ANKRD42: variants seen among roughly 807,000 people sequenced by gnomAD.
The protein encoded by ANKRD42 is ankyrin repeat domain 42.
ANKRD42 carries 43 observed loss-of-function variants against 51.5 expected under a neutral mutation model. The ratio of observed to expected loss-of-function variants is 0.83; its 90% confidence interval spans 0.65 to 1.08. The LOEUF (loss-of-function observed/expected upper bound fraction) is 1.08. ANKRD42 is among the 50% of genes least tolerant of loss of function. The probability of loss-of-function intolerance (pLI) is 0.00; values close to 1 mark genes in which losing one functional copy is unlikely to be tolerated. For synonymous variants in ANKRD42, 203 were observed against 213.0 expected (o/e 0.95, Z 0.41); for missense variants, 608 against 629.3 (o/e 0.97, Z 0.36).
At chr11:83,220,763 G>T (rs1330618204) in intron 5 of ANKRD42, among the ~76,000 whole-genome samples, 1 of 152,054 alleles carries the variant, frequency 6.6e-6, no homozygotes, top group Non-Finnish European at 1.5e-5. Flanking sequence ...ACAAACTGGG[G>T]CACCTTTATA....
At chr11:83,231,325 CT>C in intron 7 of ANKRD42, among the ~76,000 whole-genome samples, 1 of 152,242 alleles carries the variant, frequency 6.6e-6, no homozygotes, top group South Asian at 2.1e-4. Flanking sequence ...TGTTGAGTGC[CT>C]TTTCATATAT....
intron 3 of ANKRD42, among the ~76,000 whole-genome samples, chr11:83,208,818 G>A (rs1014447722): frequency 1.3e-5 from 2 of 152,094 alleles, no homozygotes; most frequent in African/African-American, 4.8e-5. Flanking sequence ...AGTTGAAAAG[G>A]GGGCTGGAGA....
intron 9 of ANKRD42, among the ~76,000 whole-genome samples, chr11:83,242,948 A>T (rs1386769213): frequency 6.6e-6 from 1 of 152,094 alleles, no homozygotes; most frequent in Non-Finnish European, 1.5e-5. Context: ...GCTGCGATGA[A>T]CATGTGTGCA....
intron 9 of ANKRD42, among the ~76,000 whole-genome samples, chr11:83,242,387 G>A (rs980067420): frequency 2.6e-5 from 4 of 151,876 alleles, no homozygotes; most frequent in African/African-American, 9.7e-5. Flanking sequence ...GGAGAGAGTT[G>A]TTTATGGCTT....
Position 83,240,800 on chromosome 11 carries a change from A to G in ANKRD42, c.1061A>G (p.Gln354Arg). ...LAAVKLLEEL[Q>R]KYDIDDENEI... ...GCAGTGAAGCTGTTAGAGGAGCTAC[A>G]GAAATATGATATAGATGACGAAAAT... is the stretch of plus-strand genomic sequence containing the variant. The change falls in exon 9 of 11, where the codon CAG (glutamine) becomes CGG (arginine). Residue 354 changes from glutamine (Q) to arginine (R), a missense_variant. Coordinates refer to ENST00000533342, the MANE Select transcript of ANKRD42 (RefSeq NM_001300975.2). The G allele has an allele frequency of 6.2e-7, 1 of 1,614,142 alleles. No individual in the cohort carries two copies. Among genetic ancestry groups the G allele is most frequent in the Non-Finnish European group, 8.5e-7 (1 of 1,179,992 alleles).
intron 5 of ANKRD42, among the ~76,000 whole-genome samples, chr11:83,221,594 T>C (rs1862718422): frequency 6.6e-6 from 1 of 152,346 alleles, no homozygotes; most frequent in East Asian, 1.9e-4. Context: ...GGTCTCTGCC[T>C]CCTTTTTGGC....
chr11:83,255,526 C>T (rs892705058), intron 11 of ANKRD42, among the ~76,000 whole-genome samples: 1 of 152,110 alleles, frequency 6.6e-6, no homozygotes, highest in Non-Finnish European at 1.5e-5. Flanking sequence ...GTCTGGGGAT[C>T]TGTTAGGTAG....
At chr11:83,198,932 T>G (rs1021369612) in intron 2 of ANKRD42, among the ~76,000 whole-genome samples, 7 of 152,188 alleles carry the variant, frequency 4.6e-5, no homozygotes, top group African/African-American at 1.4e-4. Flanking sequence ...GCTGGAATAT[T>G]AAAAAGCTGG....
At chr11:83,230,977 G>C (rs184935043) in intron 7 of ANKRD42, among the ~76,000 whole-genome samples, 1 of 152,300 alleles carries the variant, frequency 6.6e-6, no homozygotes, top group East Asian at 1.9e-4. Context: ...CACTTAGATT[G>C]CTTCCACATC....
chr11:83,253,683 T>C (rs907434252), downstream of ANKRD42, among the ~76,000 whole-genome samples: 13 of 152,296 alleles, frequency 8.5e-5, no homozygotes, highest in African/African-American at 3.1e-4. Context: ...AAAACATGTA[T>C]TGGGGAGAAA....
chr11:83,244,337 G>A (rs565306636), intron 9 of ANKRD42, among the ~76,000 whole-genome samples: 4 of 152,266 alleles, frequency 2.6e-5, no homozygotes, highest in East Asian at 3.9e-4. Flanking sequence ...TGGGGCTCAA[G>A]CACATACATT....
At position 83,224,861 on chromosome 11, in the gene ANKRD42, T is replaced by A. The variant is rs1270664521; in HGVS notation, c.593T>A (p.Leu198Ter). Reference protein sequence around the residue: ...VDYNGNLPVHLAAMEGHLHCF... With the variant: ...VDYNGNLPVH ...TTTTTTTCCTTTCCTCTAGTTCACT[T>A]AGCAGCCATGGAAGGCCACCTTCAC... The change falls in exon 6 of 11, where the codon TTA (leucine) becomes TAA (stop). Residue 198 changes from leucine (L) to a stop codon, truncating the protein, a stop_gained. Coordinates refer to ENST00000533342, the MANE Select transcript of ANKRD42 (RefSeq NM_001300975.2). LOFTEE classifies it high-confidence loss of function. 1.3e-6 allele frequency: 2 copies of A among 1,595,358 alleles called. No individual in the cohort carries two copies. Among genetic ancestry groups the A allele is most frequent in the Non-Finnish European group, 8.5e-7 (1 of 1,169,730 alleles).
intron 7 of ANKRD42, among the ~76,000 whole-genome samples, chr11:83,235,642 A>G (rs1171870428): frequency 6.6e-6 from 1 of 152,254 alleles, no homozygotes; most frequent in African/African-American, 2.4e-5. Context: ...ATTGTTTAAT[A>G]GACCTAAACT....
chr11:83,208,018 G>GTTTTGT (rs1248330911), intron 3 of ANKRD42, among the ~76,000 whole-genome samples: 4 of 152,100 alleles, frequency 2.6e-5, no homozygotes, highest in Middle Eastern at 6.8e-3. Flanking sequence ...GAAAAGAGAG[G>GTTTTGT]TTTTGTTTTT....
At chr11:83,255,264 C>T (rs1003549144) in intron 11 of ANKRD42, among the ~76,000 whole-genome samples, 2 of 152,138 alleles carry the variant, frequency 1.3e-5, no homozygotes, top group Non-Finnish European at 2.9e-5. Context: ...TGCTCCTTCC[C>T]ATGGTATTTA....
chr11:83,227,283 T>C (rs1447833307), intron 6 of ANKRD42, among the ~76,000 whole-genome samples: 1 of 151,976 alleles, frequency 6.6e-6, no homozygotes, highest in Non-Finnish European at 1.5e-5. Context: ...TGGCTAAGTT[T>C]TGTATTTTTA....
chr11:83,219,828 G>T (rs1862661166), intron 5 of ANKRD42, among the ~76,000 whole-genome samples: 1 of 152,222 alleles, frequency 6.6e-6, no homozygotes, highest in South Asian at 2.1e-4. Context: ...TGATGTGGGG[G>T]ACCATACGCT....
intron 6 of ANKRD42, among the ~76,000 whole-genome samples, chr11:83,226,333 G>A (rs1862884921): frequency 6.6e-6 from 1 of 152,132 alleles, no homozygotes; most frequent in African/African-American, 2.4e-5. Context: ...CATAAACTGA[G>A]TCCTTACTAA....
At chr11:83,242,567 G>GTTTTTTTTTTTTTTGTTTTTTTTTTTT (rs1863421661) in intron 9 of ANKRD42, among the ~76,000 whole-genome samples, 1 of 115,546 alleles carries the variant, frequency 8.7e-6, no homozygotes, top group Admixed American at 8.5e-5. Context: ...TGGTAGTTAA[G>GTTTTTTTTTTTTTTGTTTTTTTTTTTT]TTTTTTTTTT....
Sources: allele counts gnomAD v4.1 joint callset (sites outside exome capture counted in the v4.1 genomes callset), GRCh38; gene constraint gnomAD v4.1.1; transcripts MANE v1.5; gene names NCBI Gene and HGNC (gene_info 2026-07-23, HGNC 2026-07-21).